The following FAT3 variants were observed in gnomAD, a reference collection of about 807,000 sequenced individuals.
The protein encoded by FAT3 is protocadherin Fat 3.
FAT3 carries 95 observed loss-of-function variants against 310.2 expected under a neutral mutation model. That is an observed-to-expected ratio of 0.31 (90% CI 0.26 to 0.36). The LOEUF (loss-of-function observed/expected upper bound fraction) is 0.36, where lower values mean the gene tolerates loss of function less well. Among genes scored for constraint, FAT3 ranks in the 10% least tolerant of loss-of-function variants. The pLI, the probability that FAT3 is intolerant of heterozygous loss-of-function variation, is 1.00. For missense variants in FAT3, 5,408 were observed against 5,715.6 expected (o/e 0.95, Z 1.74); for synonymous variants, 2,314 against 2,192.9 (o/e 1.06, Z -1.54).
chr11:92,641,019 A>C (rs1941941885), intron 3 of FAT3, among the ~76,000 whole-genome samples: 1 of 152,190 alleles, frequency 6.6e-6, no homozygotes, highest in Non-Finnish European at 1.5e-5. Context: ...CAACATGGTG[A>C]AACCCTGTCT....
intron 1 of FAT3, among the ~76,000 whole-genome samples, chr11:92,225,891 C>G (rs1304292352): frequency 1.2e-4 from 19 of 152,128 alleles, no homozygotes. Flanking sequence ...AACCGGAATG[C>G]TTTGCGAGAG....
chr11:92,504,134 G>A (rs1253489797), intron 2 of FAT3, among the ~76,000 whole-genome samples: 1 of 152,096 alleles, frequency 6.6e-6, no homozygotes, highest in African/African-American at 2.4e-5. Flanking sequence ...AGCCATAACT[G>A]TCAGGTCCAC....
chr11:92,767,005 T>G (rs1946330172), intron 6 of FAT3: 1 of 152,174 alleles, frequency 6.6e-6, no homozygotes, highest in South Asian at 2.1e-4. Context: ...TCTCAACACT[T>G]GGGGAGGCTG....
At chr11:92,671,411 A>G (rs1442549855) in intron 3 of FAT3, among the ~76,000 whole-genome samples, 1 of 152,004 alleles carries the variant, frequency 6.6e-6, no homozygotes, top group East Asian at 1.9e-4. Flanking sequence ...ATTTGTCACC[A>G]TAATTCATTC....
intron 4 of FAT3, among the ~76,000 whole-genome samples, chr11:92,737,418 T>C (rs930407178): frequency 6.6e-6 from 1 of 152,140 alleles, no homozygotes; most frequent in Non-Finnish European, 1.5e-5. Flanking sequence ...AATTGGATCC[T>C]AATCCCTATT....
At chr11:92,252,335 A>G (rs552951078) in intron 1 of FAT3, among the ~76,000 whole-genome samples, 7 of 152,262 alleles carry the variant, frequency 4.6e-5, no homozygotes, top group African/African-American at 1.7e-4. Context: ...GGTCAATGGA[A>G]TGGAATGAAA....
intron 18 of FAT3, among the ~76,000 whole-genome samples, chr11:92,842,054 C>A (rs1412167386): frequency 1.3e-5 from 2 of 152,212 alleles, no homozygotes; most frequent in African/African-American, 4.8e-5. Flanking sequence ...GGCACACAGC[C>A]TCCTTCATTC....
rs778916439 is a variant in FAT3, at chr11:92,800,817, A to G, written c.7804A>G (p.Thr2602Ala). The G allele has an allele frequency of 1.2e-6, 2 of 1,613,842 alleles. No individual in the cohort carries two copies. Among genetic ancestry groups the G allele is most frequent in the East Asian group, 4.5e-5 (2 of 44,836 alleles). ...AAATGACAATGCTCCCCAGTTCATG[A>G]CAGTGGAATATAGAGCCAGTGTCAG... ...DENDNAPQFM[T>A]VEYRASVRAD... The change falls in exon 10 of 28, where the codon ACA (threonine) becomes GCA (alanine). Residue 2602 changes from threonine (T) to alanine (A), a missense_variant. Coordinates refer to ENST00000525166, the MANE Select transcript of FAT3 (RefSeq NM_001367949.2).
chr11:92,398,330 G>A (rs1356372368), intron 2 of FAT3, among the ~76,000 whole-genome samples: 10 of 151,860 alleles, frequency 6.6e-5, no homozygotes, highest in Admixed American at 2.0e-4. Flanking sequence ...GCAAAACTCC[G>A]TCTCTACTAA....
chr11:92,532,783 C>T (rs893771143), intron 3 of FAT3, among the ~76,000 whole-genome samples: 12 of 152,134 alleles, frequency 7.9e-5, no homozygotes, highest in African/African-American at 2.7e-4. Flanking sequence ...CCTGTTCCTG[C>T]TTAATGCCAG....
chr11:92,256,763 G>T (rs1342122881), intron 1 of FAT3, among the ~76,000 whole-genome samples: 2 of 152,246 alleles, frequency 1.3e-5, no homozygotes, highest in East Asian at 3.9e-4. Flanking sequence ...GGTAGGTATT[G>T]TTAGGTTCAT....
chr11:92,775,369 T>C (rs1314409202), intron 7 of FAT3, among the ~76,000 whole-genome samples: 1 of 152,222 alleles, frequency 6.6e-6, no homozygotes, highest in African/African-American at 2.4e-5. Context: ...CTCTTTTCTT[T>C]GAATCTGTTT....
chr11:92,258,364 C>T (rs1865396906), intron 1 of FAT3, among the ~76,000 whole-genome samples: 1 of 152,020 alleles, frequency 6.6e-6, no homozygotes, highest in Admixed American at 6.6e-5. Flanking sequence ...GCAAGAGCTC[C>T]AAGGGATCAA....
chr11:92,834,623 C>A (rs1948351231), intron 14 of FAT3, among the ~76,000 whole-genome samples: 1 of 152,166 alleles, frequency 6.6e-6, no homozygotes. Flanking sequence ...GAGAGATGTT[C>A]ATAAACTGTT....
At chr11:92,382,411 A>G (rs1407541547) in intron 2 of FAT3, among the ~76,000 whole-genome samples, 4 of 152,186 alleles carry the variant, frequency 2.6e-5, no homozygotes, top group Non-Finnish European at 5.9e-5. Context: ...TTGTTATTAA[A>G]GTGACAAAGC....
At chr11:92,674,110 G>A (rs1943213163) in intron 3 of FAT3, among the ~76,000 whole-genome samples, 1 of 151,732 alleles carries the variant, frequency 6.6e-6, no homozygotes, top group African/African-American at 2.4e-5. Flanking sequence ...CAACCCTGGA[G>A]GTGGGGGTTG....
rs576517940 is a variant in FAT3 at position 92,229,253 on chromosome 11, C to G, written c.-18+4079C>G. Among the ~76,000 whole-genome samples the G allele has an allele frequency of 1.4e-4, 21 of 152,228 alleles. No homozygotes were observed. In the South Asian group the frequency reaches 2.9e-3, roughly 21 times the overall value. On this transcript the variant is annotated intron_variant, in intron 1 of 27. Transcript: ENST00000525166. ...CTGTTGAATATGTCATTTTCATCAT[C>G]TTTCTACCCAAATTGTGAGGAGTGG...
At chr11:92,441,950 G>T (rs73548485) in intron 2 of FAT3, among the ~76,000 whole-genome samples, 5,700 of 151,202 alleles carry the variant, frequency 0.038, 382 homozygotes, top group African/African-American at 0.13. Flanking sequence ...CAGCAGACAC[G>T]TTCACGACTC....
At chr11:92,285,189 G>C (rs1946529541) in intron 1 of FAT3, among the ~76,000 whole-genome samples, 1 of 152,082 alleles carries the variant, frequency 6.6e-6, no homozygotes, top group Non-Finnish European at 1.5e-5. Context: ...ATTTTTAATA[G>C]GGAGGAATGA....
Sources: gnomAD v4.1 joint callset for allele counts (sites outside exome capture counted in the v4.1 genomes callset) on GRCh38, gnomAD v4.1.1 for gene constraint, MANE v1.5 for transcripts, NCBI Gene and HGNC (gene_info 2026-07-23, HGNC 2026-07-21) for gene names.